Variants in VPS13B observed in about 807,000 individuals in gnomAD.
VPS13B encodes intermembrane lipid transfer protein VPS13B.
In VPS13B, 285 loss-of-function variants were observed where a neutral mutation model predicts 426.4. That is an observed-to-expected ratio of 0.67 (90% CI 0.61 to 0.74). The LOEUF (loss-of-function observed/expected upper bound fraction) is 0.74, where lower values mean the gene tolerates loss of function less well. VPS13B is among the 30% of genes least tolerant of loss of function. The pLI is 0.00. For synonymous variants in VPS13B, 1,676 were observed against 1,676.4 expected (o/e 1.00, Z 0.01); for missense variants, 4,537 against 4,782.6 (o/e 0.95, Z 1.51).
chr8:99,642,393 T>G lies in VPS13B; in HGVS notation c.5803T>G (p.Ser1935Ala), dbSNP rs138930771. 8.7e-5 allele frequency: 141 copies of G among 1,614,120 alleles called. No individual in the cohort carries two copies. The African/African-American group carries it at 1.6e-3, about 18-fold the overall frequency. Reference sequence around the variant, plus strand: ...AGAGCCTTTTCTGTACTTTATTGTGTCCCAGCCTTCCTTGCTTCTGAGTTG... The same window carrying G: ...AGAGCCTTTTCTGTACTTTATTGTGGCCCAGCCTTCCTTGCTTCTGAGTTG... ...QLEPFLYFIV[S>A]QPSLLLSCHH... The change falls in exon 34 of 62, where the codon TCC (serine) becomes GCC (alanine). Residue 1935 changes from serine (S) to alanine (A), a missense_variant. Ser to Ala is a moderately conservative substitution (Grantham distance 99, BLOSUM62 1). This residue lies in a region of VPS13B where 4,311 missense variants were observed against 4,474.3 expected (regional missense o/e 0.96). Transcript: ENST00000357162.
At chr8:99,361,582 T>C (rs1812560290) in intron 19 of VPS13B, among the ~76,000 whole-genome samples, 1 of 152,182 alleles carries the variant, frequency 6.6e-6, no homozygotes, top group South Asian at 2.1e-4. Flanking sequence ...TTAACCCTAC[T>C]AGGTTTTCAT....
intron 19 of VPS13B, among the ~76,000 whole-genome samples, chr8:99,287,967 C>G (rs1819534985): frequency 6.6e-6 from 1 of 151,776 alleles, no homozygotes; most frequent in Admixed American, 6.6e-5. Flanking sequence ...AAACTATATC[C>G]CAAGTGAGTA....
In VPS13B at chr8:99,592,396, G is replaced by A. The variant is rs573877992; in HGVS notation, c.5220+14763G>A. Among the ~76,000 whole-genome samples, 18 of 152,034 alleles carry A rather than the reference G, an allele frequency of 1.2e-4. No homozygotes were observed. In the South Asian group the frequency reaches 2.9e-3, roughly 25 times the overall value. Reference sequence around the variant, plus strand: ...TACGATCCTTTGGAGTAGAACGGGCGCTCTGGTTTTTAGAAATTTCAGCTT... The same window carrying A: ...TACGATCCTTTGGAGTAGAACGGGCACTCTGGTTTTTAGAAATTTCAGCTT... On this transcript the variant is annotated intron_variant, in intron 33 of 61. Transcript: ENST00000357162.
chr8:99,198,684 G>A (rs755684508), intron 17 of VPS13B, among the ~76,000 whole-genome samples: 2 of 152,070 alleles, frequency 1.3e-5, no homozygotes, highest in Non-Finnish European at 2.9e-5. Flanking sequence ...ATATTGAGGA[G>A]TTGAAGAAAT....
intron 43 of VPS13B, among the ~76,000 whole-genome samples, chr8:99,806,524 A>G (rs1813410752): frequency 6.6e-6 from 1 of 152,058 alleles, no homozygotes; most frequent in African/African-American, 2.4e-5. Context: ...TATTTTCCCT[A>G]TGTGATCATA....
rs1010942878 is a variant in VPS13B, at chr8:99,562,685, AT to A, written c.4949+6039del. Among the ~76,000 whole-genome samples the A allele has an allele frequency of 6.6e-5, 10 of 152,186 alleles. No individual in the cohort carries two copies. In the East Asian group the frequency reaches 1.2e-3, roughly 18 times the overall value. On this transcript the variant is annotated intron_variant, in intron 31 of 61. Transcript: ENST00000357162. ...TCCTTATCAGATATATGATTTAGAA[AT>A]TTTTTTATAATGGAATTTTTTTGTT...
intron 52 of VPS13B, among the ~76,000 whole-genome samples, chr8:99,833,414 CTTTA>C (rs1351424505): frequency 3.9e-5 from 6 of 152,120 alleles, no homozygotes; most frequent in South Asian, 2.1e-4. Flanking sequence ...AATTTGTAGA[CTTTA>C]TTTGAGATTT....
rs1447818197 is a variant in VPS13B at position 99,151,236 on chromosome 8, A to G, written c.2013+3226A>G. 2.0e-5 allele frequency among the ~76,000 whole-genome samples: 3 copies of G among 152,198 alleles called. No homozygotes were observed. The East Asian group carries it at 5.8e-4, about 29-fold the overall frequency. On this transcript the variant is annotated intron_variant, in intron 14 of 61. Transcript: ENST00000357162. ...TTTTTAAGAGTTGTTTGTTTTCTTA[A>G]TATTGAATTTTAAGGATTCCTTGTA...
At chr8:99,717,652 C>T (rs1453245851) in intron 37 of VPS13B, among the ~76,000 whole-genome samples, 1 of 152,104 alleles carries the variant, frequency 6.6e-6, no homozygotes, top group Non-Finnish European at 1.5e-5. Context: ...AACAAAAAAA[C>T]CCATATCCAT....
At chr8:99,400,805 G>C (rs1814991972) in intron 21 of VPS13B, among the ~76,000 whole-genome samples, 1 of 152,066 alleles carries the variant, frequency 6.6e-6, no homozygotes, top group Admixed American at 6.6e-5. Context: ...CAAGTAGCTG[G>C]GATTACAGGT....
intron 19 of VPS13B, among the ~76,000 whole-genome samples, chr8:99,380,883 T>G (rs1368629013): frequency 1.3e-5 from 2 of 151,574 alleles, no homozygotes; most frequent in Non-Finnish European, 2.9e-5. Context: ...TTTCTTTTTT[T>G]TTTTTTTAAA....
rs576081176 is a variant in VPS13B at position 99,588,083 on chromosome 8, T to C, written c.5220+10450T>C. Among the ~76,000 whole-genome samples the C allele has an allele frequency of 7.0e-4, 106 of 151,966 alleles. 1 individual carries two copies. The highest frequency in any genetic ancestry group is 3.9e-4 in the Admixed American group (6 of 15,296). Reference sequence around the variant, plus strand: ...GCACCATTTATTAAAAAGGGAATCCTTTCCCCATTTCTTGTTTTTGTCAGG... The same window carrying C: ...GCACCATTTATTAAAAAGGGAATCCCTTCCCCATTTCTTGTTTTTGTCAGG... On this transcript the variant is annotated intron_variant, in intron 33 of 61. Transcript: ENST00000357162.
chr8:99,063,907 A>G (rs1239226538), intron 3 of VPS13B, among the ~76,000 whole-genome samples: 4 of 152,168 alleles, frequency 2.6e-5, no homozygotes. Context: ...ACTGTTGAGC[A>G]ATATTTTCTG....
Position 99,877,506 on chromosome 8 carries a change from C to T in VPS13B, c.*1840C>T, listed in dbSNP as rs1817746342. 1 of 152,582 alleles carries T rather than the reference C, an allele frequency of 6.6e-6. No homozygotes were observed. The highest frequency in any genetic ancestry group is 6.5e-5 in the Admixed American group (1 of 15,276). 9.5% of individuals were successfully genotyped at this position (152,582 alleles called of 1,614,324 possible). On this transcript the variant is annotated 3_prime_UTR_variant, in exon 62 of 62. Coordinates refer to ENST00000357162, the MANE Select transcript of VPS13B (RefSeq NM_152564.5). ...TAATACCTGGGTTTAATACAGCTCA[C>T]ATCACTGAATGTTACACATGAGTTT...
intron 16 of VPS13B, among the ~76,000 whole-genome samples, chr8:99,189,172 A>G (rs1023252846): frequency 1.3e-5 from 2 of 151,932 alleles, no homozygotes; most frequent in Non-Finnish European, 2.9e-5. Context: ...GATGGTCTCG[A>G]TCTCCTGACC....
intron 15 of VPS13B, among the ~76,000 whole-genome samples, chr8:99,169,744 T>C (rs1036941108): frequency 6.6e-6 from 1 of 151,914 alleles, no homozygotes; most frequent in Non-Finnish European, 1.5e-5. Context: ...TAGCAGATAA[T>C]AAAACACTAC....
chr8:99,269,016 C>G (rs1360415107), intron 17 of VPS13B, among the ~76,000 whole-genome samples: 1 of 152,128 alleles, frequency 6.6e-6, no homozygotes, highest in Non-Finnish European at 1.5e-5. Context: ...CTTGGCACTT[C>G]TCTCTCCTGC....
intron 19 of VPS13B, among the ~76,000 whole-genome samples, chr8:99,374,680 G>A (rs933032821): frequency 2.0e-5 from 3 of 152,146 alleles, no homozygotes; most frequent in Non-Finnish European, 4.4e-5. Flanking sequence ...CTTTTGTCAT[G>A]ATATTAGTAT....
chr8:99,816,440 C>G (rs954769714), intron 44 of VPS13B, among the ~76,000 whole-genome samples: 2 of 152,156 alleles, frequency 1.3e-5, no homozygotes, highest in African/African-American at 2.4e-5. Flanking sequence ...GAACTATACT[C>G]TCTTACCTGG....
Sources: gnomAD v4.1 joint callset for allele counts (sites outside exome capture counted in the v4.1 genomes callset) on GRCh38, gnomAD v4.1.1 for gene constraint, gnomAD v4.1.1 regional missense constraint, MANE v1.5 for transcripts, NCBI Gene and HGNC (gene_info 2026-07-23, HGNC 2026-07-21) for gene names.